The following DIABLO variants were observed in gnomAD, a reference collection of about 807,000 sequenced individuals.
DIABLO encodes diablo homolog, mitochondrial.
In DIABLO, 32 loss-of-function variants were observed where a neutral mutation model predicts 31.7. The ratio of observed to expected loss-of-function variants is 1.01; its 90% CI spans 0.76 to 1.35. The LOEUF (loss-of-function observed/expected upper bound fraction) is 1.35. Among genes scored for constraint, DIABLO ranks in the 40% most tolerant of loss-of-function variants. The probability of loss-of-function intolerance (pLI) is 0.00; values close to 1 mark genes in which losing one functional copy is unlikely to be tolerated. For synonymous variants in DIABLO, 132 were observed against 103.2 expected (o/e 1.28, Z -1.69); for missense variants, 316 against 286.4 (o/e 1.10, Z -0.75).
At chr12:122,216,453 TTAA>T (rs770044737) in intron 5 of DIABLO, 32 bp downstream of exon 5, 11 of 1,315,920 alleles carry the variant, frequency 8.4e-6, no homozygotes, top group East Asian at 2.9e-5. Context: ...AGTTAAAAAA[TTAA>T]AAAAAAAACC....
chr12:122,215,223 A>G (rs1226890652), intron 5 of DIABLO, among the ~76,000 whole-genome samples: 1 of 152,076 alleles, frequency 6.6e-6, no homozygotes, highest in African/African-American at 2.4e-5. Flanking sequence ...CAGAGGTTGC[A>G]GTGAGCTGAG....
chr12:122,225,620 C>T (rs1196193803), intron 1 of DIABLO: 4 of 1,260,178 alleles, frequency 3.2e-6, no homozygotes, highest in Middle Eastern at 3.2e-4. Flanking sequence ...GTCTCCCTTC[C>T]CGGACTCCCC....
chr12:122,225,995 C>T lies in DIABLO; in HGVS notation c.20G>A (p.Trp7Ter). ...GAATGAAGTTACGCTGCGCGACAGC[C>T]AACTCTTCAGAGCCGCCATTGTGCA... MAALKS[W>*]LSRSVTSFFR... Residue 7 changes from tryptophan (W) to a stop codon, truncating the protein, a stop_gained, in exon 1 of 6, where the codon TGG becomes TAG. Transcript: ENST00000464942. LOFTEE classifies it high-confidence loss of function. The T allele has an allele frequency of 6.2e-7, 1 of 1,603,582 alleles. No individual in the cohort carries two copies. The highest frequency in any genetic ancestry group is 8.5e-7 in the Non-Finnish European group (1 of 1,175,890).
At chr12:122,217,723 A>G (rs547381941) in intron 3 of DIABLO, 8 of 157,894 alleles carry the variant, frequency 5.1e-5, no homozygotes, top group Admixed American at 4.9e-4. Context: ...GGCTTGCTAC[A>G]TTGACTGGGT....
chr12:122,218,304 T>C lies in DIABLO; in HGVS notation c.277A>G (p.Thr93Ala), dbSNP rs769884447. 2 of 1,614,152 alleles carry C rather than the reference T, an allele frequency of 1.2e-6. No individual in the cohort carries two copies. The highest frequency in any genetic ancestry group is 1.7e-5 in the Admixed American group (1 of 60,016). Residue 93 changes from threonine to alanine, a missense_variant, in exon 3 of 6, where the codon ACA becomes GCA. Coordinates refer to ENST00000464942, the MANE Select transcript of DIABLO (RefSeq NM_001371333.1). Reference protein sequence around the residue: ...DSTSTFLSQTTYALIEAITEY... With the variant: ...DSTSTFLSQTAYALIEAITEY... Reference sequence around the variant, plus strand: ...GTAATAGCTTCAATCAACGCATATGTGGTCTGAGAGAGAAAGGTAGAGGTG... The same window carrying C: ...GTAATAGCTTCAATCAACGCATATGCGGTCTGAGAGAGAAAGGTAGAGGTG...
At chr12:122,227,126 G>A (rs1023347682), upstream of DIABLO, among the ~76,000 whole-genome samples, 1 of 152,208 alleles carries the variant, frequency 6.6e-6, no homozygotes, top group South Asian at 2.1e-4. Context: ...TGGGACTGCA[G>A]GGTGCCAGGT....
intron 2 of DIABLO, 30 bp from the exon 3 acceptor site, chr12:122,218,427 T>G (rs373592931): frequency 1.2e-6 from 2 of 1,613,738 alleles, no homozygotes; most frequent in African/African-American, 2.7e-5. Flanking sequence ...TCACTCAACC[T>G]CTAAAGCTCA....
At chr12:122,224,987 TGGATCACTTGA>T (rs1263930981) in intron 1 of DIABLO, 1 of 473,076 alleles carries the variant, frequency 2.1e-6, no homozygotes, top group African/African-American at 2.1e-5. Flanking sequence ...CCGAGGCGGG[TGGATCACTTGA>T]GGTCAGGAAT....
chr12:122,216,935 T>C (rs1005536838), intron 3 of DIABLO, 66 bp from the exon 4 acceptor site: 8 of 1,390,096 alleles, frequency 5.8e-6, no homozygotes, highest in Non-Finnish European at 8.1e-6. Flanking sequence ...ATAGAGAGAT[T>C]TCCACCTCAA....
At chr12:122,214,513 G>C (rs926112798) in intron 5 of DIABLO, among the ~76,000 whole-genome samples, 1 of 151,920 alleles carries the variant, frequency 6.6e-6, no homozygotes, top group Non-Finnish European at 1.5e-5. Context: ...GCAGCCTTGA[G>C]CTCCTGGGTT....
intron 2 of DIABLO, chr12:122,221,523 C>G (rs1464276103): frequency 6.6e-6 from 1 of 152,152 alleles, no homozygotes; most frequent in Non-Finnish European, 1.5e-5. Flanking sequence ...ATCCTCCTGC[C>G]TCCCAGGTAG....
At position 122,211,867 on chromosome 12, in the gene DIABLO, A is replaced by G. The variant is rs551985686; in HGVS notation, c.524-3290T>C. On this transcript the variant is annotated intron_variant, in intron 5 of 5. Transcript: ENST00000464942. ...ATGTCTTAATGAATTGTTCTGTCCT[A>G]CTGATTACTTTTTATCTTGAATTCT... 5.3e-5 allele frequency among the ~76,000 whole-genome samples: 8 copies of G among 152,260 alleles called. No homozygotes were observed. The South Asian group carries it at 1.4e-3, about 28-fold the overall frequency.
intron 1 of DIABLO, chr12:122,225,381 T>C (rs1954434783): frequency 3.0e-6 from 3 of 990,878 alleles, no homozygotes; most frequent in Non-Finnish European, 3.6e-6. Flanking sequence ...AGGCAGATCT[T>C]GTCTCAAAAA....
intron 5 of DIABLO, chr12:122,209,055 T>G (rs7957117): frequency 0.031 from 8,823 of 287,240 alleles, 253 homozygotes; most frequent in Non-Finnish European, 0.047. Flanking sequence ...TTTTATAATT[T>G]TTTCACTTAA....
At chr12:122,216,710 A>C (rs1297039447) in intron 4 of DIABLO, 49 bp downstream of exon 4, 1 of 1,568,154 alleles carries the variant, frequency 6.4e-7, no homozygotes, top group South Asian at 1.1e-5. Context: ...TTTAGATACC[A>C]CATGAGGTAG....
At chr12:122,208,804 A>G in intron 5 of DIABLO, 1 of 644,044 alleles carries the variant, frequency 1.6e-6, no homozygotes, top group Non-Finnish European at 2.9e-6. Context: ...GTCAGCGGCC[A>G]ACATCACAAT....
At chr12:122,218,508 A>C in intron 2 of DIABLO, 111 bp from the exon 3 acceptor site, 1 of 1,368,934 alleles carries the variant, frequency 7.3e-7, no homozygotes, top group Non-Finnish European at 1.0e-6. Context: ...TTTAGGCTGA[A>C]ACTGCACTAT....
At chr12:122,214,116 CAAAA>C (rs890603158) in intron 5 of DIABLO, among the ~76,000 whole-genome samples, 6 of 151,804 alleles carry the variant, frequency 4.0e-5, no homozygotes, top group Admixed American at 3.3e-4. Flanking sequence ...CTAACAACAA[CAAAA>C]AAAACCTTCT....
At chr12:122,215,048 C>T (rs557826817) in intron 5 of DIABLO, among the ~76,000 whole-genome samples, 3 of 152,210 alleles carry the variant, frequency 2.0e-5, no homozygotes, top group Non-Finnish European at 4.4e-5. Flanking sequence ...GGTGAGCCGG[C>T]TGGGTGCGGT....
Sources: allele counts gnomAD v4.1 joint callset (sites outside exome capture counted in the v4.1 genomes callset), GRCh38; gene constraint gnomAD v4.1.1; transcripts MANE v1.5; gene names NCBI Gene and HGNC (gene_info 2026-07-23, HGNC 2026-07-21).